Variants in TTC23 observed in about 807,000 individuals in gnomAD.
TTC23 encodes tetratricopeptide repeat protein 23.
Under a neutral mutation model 55.1 loss-of-function variants are expected in TTC23, and 58 were observed. The observed-to-expected ratio is 1.05, with a 90% CI of 0.85 to 1.31. TTC23 has a LOEUF of 1.31. Ranked by LOEUF, TTC23 falls within the 50% of genes most tolerant of loss-of-function variation. TTC23 has a pLI of 0.00. For missense variants in TTC23, 516 were observed against 534.4 expected (o/e 0.97, Z 0.34); for synonymous variants, 203 against 199.9 (o/e 1.02, Z -0.13).
chr15:99,225,256 G>T (rs2078298144), intron 5 of TTC23, among the ~76,000 whole-genome samples: 1 of 152,150 alleles, frequency 6.6e-6, no homozygotes, highest in African/African-American at 2.4e-5. Context: ...ATCCCTATTG[G>T]TTTTCCAACC....
intron 3 of TTC23, among the ~76,000 whole-genome samples, chr15:99,235,634 T>C (rs1001730812): frequency 6.6e-6 from 1 of 152,180 alleles, no homozygotes; most frequent in African/African-American, 2.4e-5. Context: ...CCTCCCAAAG[T>C]GCTGGGATTA....
At chr15:99,138,620 T>C (rs527440452) in intron 13 of TTC23, among the ~76,000 whole-genome samples, 1 of 152,318 alleles carries the variant, frequency 6.6e-6, no homozygotes, top group East Asian at 1.9e-4. Context: ...GCCCCTCCCA[T>C]CTTTTAAAAT....
rs568765458 is a variant in TTC23, at chr15:99,241,182, G to A, written c.-114+183C>T. Among the ~76,000 whole-genome samples the A allele has an allele frequency of 4.6e-5, 7 of 152,214 alleles. No individual in the cohort carries two copies. In the South Asian group the frequency reaches 1.5e-3, roughly 32 times the overall value. On this transcript the variant is annotated intron_variant, in intron 3 of 13. Coordinates refer to ENST00000394132, the MANE Select transcript of TTC23 (RefSeq NM_001288615.3). ...TACAAAAAATTAGCCAGGTGTGGTGGCACACACCTGGTAATCCCAGCGACT... is the reference window on the plus strand; with the variant it reads ...TACAAAAAATTAGCCAGGTGTGGTGACACACACCTGGTAATCCCAGCGACT...
At chr15:99,155,900 C>T (rs527297106) in intron 12 of TTC23, 10 of 542,478 alleles carry the variant, frequency 1.8e-5, no homozygotes, top group African/African-American at 1.1e-4. Context: ...AATTGTACTA[C>T]GTAAAAAATT....
At chr15:99,160,707 AC>A (rs1415275993) in intron 11 of TTC23, 2 of 151,914 alleles carry the variant, frequency 1.3e-5, no homozygotes, top group Non-Finnish European at 2.9e-5. Context: ...GATGGCGTTA[AC>A]CTCTGATAAG....
chr15:99,228,140 T>C (rs1226736365), intron 5 of TTC23, among the ~76,000 whole-genome samples: 1 of 152,204 alleles, frequency 6.6e-6, no homozygotes, highest in African/African-American at 2.4e-5. Context: ...TAAGAGGTGA[T>C]AGAGAAATGC....
intron 5 of TTC23, among the ~76,000 whole-genome samples, chr15:99,224,608 C>A (rs1371404355): frequency 6.6e-6 from 1 of 152,092 alleles, no homozygotes; most frequent in Non-Finnish European, 1.5e-5. Context: ...TTGCACATAC[C>A]CATAAACATT....
intron 1 of TTC23, chr15:99,248,157 A>G (rs895619726): frequency 1.3e-5 from 2 of 152,182 alleles, no homozygotes; most frequent in Non-Finnish European, 2.9e-5. Context: ...GATAAGGTAA[A>G]TGTATTCGGG....
At chr15:99,174,243 G>C (rs1474082389) in intron 10 of TTC23, among the ~76,000 whole-genome samples, 1 of 152,180 alleles carries the variant, frequency 6.6e-6, no homozygotes, top group Non-Finnish European at 1.5e-5. Flanking sequence ...AGACCAGGCT[G>C]CTCATTGAAG....
intron 9 of TTC23, among the ~76,000 whole-genome samples, chr15:99,187,795 A>G (rs996208786): frequency 6.6e-6 from 1 of 152,086 alleles, no homozygotes; most frequent in Non-Finnish European, 1.5e-5. Flanking sequence ...ATGAGATATC[A>G]CTTCATACTT....
At chr15:99,157,368 T>A (rs1053613247) in intron 11 of TTC23, 1 of 152,012 alleles carries the variant, frequency 6.6e-6, no homozygotes, top group Non-Finnish European at 1.5e-5. Context: ...CCCACCACCA[T>A]ACCCAGCTAA....
rs547932921 is a variant in TTC23, at chr15:99,219,093, C to T, written c.305-45G>A. The T allele has an allele frequency of 3.0e-5, 48 of 1,605,790 alleles. 1 individual carries two copies. In the South Asian group the frequency reaches 5.3e-4, roughly 18 times the overall value. On this transcript the variant is annotated intron_variant, in intron 6 of 13. Transcript: ENST00000394132. ...GGTCTCAGTTTCTCTATCATCTCAA[C>T]TGGACAGGAATACAGTTCCTTATGG...
intron 9 of TTC23, among the ~76,000 whole-genome samples, chr15:99,191,251 C>A (rs1307784811): frequency 6.6e-6 from 1 of 152,204 alleles, no homozygotes; most frequent in Non-Finnish European, 1.5e-5. Context: ...TATTTAACCA[C>A]AAACACTTTT....
Position 99,228,592 on chromosome 15 carries a change from G to A in TTC23, c.121C>T (p.Pro41Ser), listed in dbSNP as rs780189501. ...TCACAGAGGTGGAGTTTCTCTCGAG[G>A]AGGCTGGAATAGTGCTGTCTGAAGC... is the stretch of plus-strand genomic sequence containing the variant. The part of the protein sequence containing the change: ...KLLQTALFQP[P>S]REKLHLCEEK... Residue 41 changes from proline (P) to serine (S), a missense_variant, in exon 5 of 14, where the codon CCT (proline) becomes TCT (serine). Coordinates refer to ENST00000394132, the MANE Select transcript of TTC23 (RefSeq NM_001288615.3). 1 of 1,613,872 alleles carries A rather than the reference G, an allele frequency of 6.2e-7. No homozygotes were observed.
intron 8 of TTC23, among the ~76,000 whole-genome samples, chr15:99,208,135 A>G (rs1471553345): frequency 1.3e-5 from 2 of 152,222 alleles, no homozygotes; most frequent in Admixed American, 1.3e-4. Context: ...GTCTAAAATG[A>G]AAAGACTAGA....
intron 10 of TTC23, among the ~76,000 whole-genome samples, chr15:99,171,751 A>T (rs1450285361): frequency 4.0e-5 from 6 of 150,770 alleles, no homozygotes; most frequent in Non-Finnish European, 7.4e-5. Context: ...TTTAGTAGAG[A>T]TGGGGTTTCA....
At chr15:99,200,155 T>C (rs983239307) in intron 8 of TTC23, 59 bp from the exon 9 acceptor site, 12 of 1,406,220 alleles carry the variant, frequency 8.5e-6, no homozygotes, top group African/African-American at 5.8e-5. Context: ...ACTGAAAATA[T>C]AGGTGAGCTG....
At chr15:99,224,455 T>C (rs547471693) in intron 5 of TTC23, among the ~76,000 whole-genome samples, 2 of 152,360 alleles carry the variant, frequency 1.3e-5, no homozygotes, top group African/African-American at 2.4e-5. Flanking sequence ...ACTTCTCATG[T>C]CATCTTCTAT....
intron 9 of TTC23, among the ~76,000 whole-genome samples, chr15:99,175,468 G>T (rs1315376545): frequency 1.3e-5 from 2 of 152,246 alleles, no homozygotes; most frequent in Non-Finnish European, 2.9e-5. Flanking sequence ...GAAGTAAAGA[G>T]ATGAATAGAA....
Sources: allele counts gnomAD v4.1 joint callset (sites outside exome capture counted in the v4.1 genomes callset), GRCh38; gene constraint gnomAD v4.1.1; transcripts MANE v1.5; gene names NCBI Gene and HGNC (gene_info 2026-07-23, HGNC 2026-07-21).